Variants in BCAR3 observed in about 807,000 individuals in gnomAD.
BCAR3 encodes breast cancer anti-estrogen resistance protein 3.
Under a neutral mutation model 80.1 loss-of-function variants are expected in BCAR3, and 37 were observed. That is an observed-to-expected ratio of 0.46 (90% CI 0.36 to 0.61). The LOEUF is 0.61. Among genes scored for constraint, BCAR3 ranks in the 20% least tolerant of loss-of-function variants. The probability of loss-of-function intolerance (pLI) is 0.00; values close to 1 mark genes in which losing one functional copy is unlikely to be tolerated. For synonymous variants in BCAR3, 389 were observed against 418.9 expected (o/e 0.93, Z 0.87); for missense variants, 978 against 1,068.2 (o/e 0.92, Z 1.18).
chr1:93,680,522 A>C (rs1648704630), intron 1 of BCAR3, among the ~76,000 whole-genome samples: 1 of 152,122 alleles, frequency 6.6e-6, no homozygotes, highest in African/African-American at 2.4e-5. Flanking sequence ...CCAGGATCTC[A>C]ACTCAGTCCC....
intron 2 of BCAR3, among the ~76,000 whole-genome samples, chr1:93,715,734 C>T (rs1008449583): frequency 6.6e-6 from 1 of 152,190 alleles, no homozygotes; most frequent in South Asian, 2.1e-4. Context: ...TCTTCCCTCA[C>T]GTTATAGACA....
chr1:93,636,580 T>C (rs1462126623), intron 3 of BCAR3, among the ~76,000 whole-genome samples: 1 of 152,008 alleles, frequency 6.6e-6, no homozygotes, highest in Non-Finnish European at 1.5e-5. Context: ...AAACAGGCAT[T>C]CCAATATTTT....
intron 5 of BCAR3, chr1:93,585,064 C>G (rs758880795): frequency 1.0e-6 from 1 of 985,416 alleles, no homozygotes; most frequent in East Asian, 1.1e-4. Context: ...AAGACAAGAC[C>G]GAGGGCAAAT....
Position 93,847,021 on chromosome 1 carries a change from C to CT in BCAR3, c.-209+48_-209+49insA. ...CCAGCCGCGGCTGGGTCGGGCGCGG[C>CT]GGCCGGGCGCGAGGGAAGAGCCCAG... On this transcript the variant is annotated intron_variant, in intron 1 of 13. Transcript: ENST00000370244. 3 of 136,378 alleles carry CT rather than the reference C, an allele frequency of 2.2e-5. 1 individual carries two copies. The highest frequency in any genetic ancestry group is 2.7e-5 in the Non-Finnish European group (2 of 73,502). The allele number at this position is 136,378 out of a possible 1,614,324, so 8.4% of individuals were successfully genotyped here.
chr1:93,845,483 T>C (rs1325023055), intron 2 of BCAR3: 1 of 7,034 alleles, frequency 1.4e-4, no homozygotes, highest in Non-Finnish European at 3.6e-4. Context: ...TATATATATA[T>C]ATATATATAT....
intron 11 of BCAR3, among the ~76,000 whole-genome samples, chr1:93,566,116 G>A (rs1672940121): frequency 6.6e-6 from 1 of 152,076 alleles, no homozygotes; most frequent in Non-Finnish European, 1.5e-5. Context: ...TATGTGGAAG[G>A]GCTTCCCAGC....
rs755388139 is a variant in BCAR3, at chr1:93,674,753, G to C, written c.178C>G (p.Pro60Ala). 1.2e-5 allele frequency: 19 copies of C among 1,613,272 alleles called. No individual in the cohort carries two copies. The highest frequency in any genetic ancestry group is 1.4e-5 in the Non-Finnish European group (17 of 1,179,868). ...TLPRKKKGPPPIRSCDDFSHM... is the reference protein window; with the variant it reads ...TLPRKKKGPPAIRSCDDFSHM... ...CTGAAGTCATCACAGGACCTTATGG[G>C]AGGAGGACCTTTTTTCTTCCGTGGA... Residue 60 changes from proline (P) to alanine (A), a missense_variant, in exon 2 of 12, where the codon CCC (proline) becomes GCC (alanine). Transcript: ENST00000260502.
At chr1:93,784,957 T>A (rs1294524707) in intron 2 of BCAR3, among the ~76,000 whole-genome samples, 1 of 152,140 alleles carries the variant, frequency 6.6e-6, no homozygotes, top group African/African-American at 2.4e-5. Context: ...GGTCAGGCAG[T>A]GAAAAGAGCA....
rs372433442 is a variant in BCAR3 at position 93,745,817 on chromosome 1, A to G, written c.-62-39675T>C. 1.8e-4 allele frequency among the ~76,000 whole-genome samples: 27 copies of G among 152,316 alleles called. No individual in the cohort carries two copies. In the East Asian group the frequency reaches 1.9e-3, roughly 11 times the overall value. ...CACTTTGAGAGGCCAAGGTGGGAGG[A>G]TCACTTGAGACCAGGAGTTCAACAC... On this transcript the variant is annotated intron_variant, in intron 2 of 13. Transcript: ENST00000370244.
rs1648389879 is a variant in BCAR3, at chr1:93,674,730, G to A, written c.201C>T (p.Phe67=). 6.2e-7 allele frequency: 1 copy of A among 1,614,008 alleles called. No individual in the cohort carries two copies. Among genetic ancestry groups the A allele is most frequent in the African/African-American group, 1.3e-5 (1 of 75,012 alleles). ...GPPPIRSCDD[F]SHMGTLPHSK... ...AGTGGGGGAGGGTGCCCATGTGACT[G>A]AAGTCATCACAGGACCTTATGGGAG... The change falls in exon 2 of 12, where the codon TTC becomes TTT. Residue 67 remains phenylalanine, a synonymous_variant. Coordinates refer to ENST00000260502, the MANE Select transcript of BCAR3 (RefSeq NM_003567.4).
intron 3 of BCAR3, chr1:93,599,596 A>T (rs867022261): frequency 2.4e-4 from 37 of 152,244 alleles, no homozygotes; most frequent in African/African-American, 7.7e-4. Context: ...CAGTGAGAGC[A>T]ATGGGCTGGA....
At chr1:93,820,140 C>G (rs770339665) in intron 2 of BCAR3, among the ~76,000 whole-genome samples, 15 of 152,214 alleles carry the variant, frequency 9.9e-5, no homozygotes, top group Admixed American at 2.0e-4. Flanking sequence ...CAGAGTCCAT[C>G]AGGACCTCAA....
intron 2 of BCAR3, among the ~76,000 whole-genome samples, chr1:93,824,337 C>T (rs1348698890): frequency 7.5e-6 from 1 of 134,130 alleles, no homozygotes; most frequent in African/African-American, 2.5e-5. Flanking sequence ...ACCCTTAGTG[C>T]TGTTACCCTC....
At chr1:93,652,980 T>C (rs1180682593) in intron 2 of BCAR3, among the ~76,000 whole-genome samples, 1 of 152,248 alleles carries the variant, frequency 6.6e-6, no homozygotes, top group Non-Finnish European at 1.5e-5. Flanking sequence ...TGTTTCTCAT[T>C]AGTAACCAGA....
chr1:93,724,216 C>T (rs1406215145), intron 2 of BCAR3, among the ~76,000 whole-genome samples: 3 of 152,172 alleles, frequency 2.0e-5, no homozygotes, highest in Non-Finnish European at 2.9e-5. Context: ...AGTTAGGATG[C>T]CAGCGCTGGT....
intron 2 of BCAR3, among the ~76,000 whole-genome samples, chr1:93,752,611 A>T (rs1651597982): frequency 6.6e-6 from 1 of 152,234 alleles, no homozygotes; most frequent in Admixed American, 6.5e-5. Flanking sequence ...TGCATACGGT[A>T]TCATTGCTCT....
chr1:93,845,502 A>ATATATATAT, intron 2 of BCAR3: 32 of 113,698 alleles, frequency 2.8e-4, no homozygotes, highest in East Asian at 4.9e-4. Context: ...ATATATATAT[A>ATATATATAT]AAACTTTGTT....
Position 93,718,993 on chromosome 1 carries a change from C to T in BCAR3, c.-62-12851G>A, listed in dbSNP as rs142563574. Among the ~76,000 whole-genome samples, 11 of 151,990 alleles carry T rather than the reference C, an allele frequency of 7.2e-5. No individual in the cohort carries two copies. In the East Asian group the frequency reaches 1.4e-3, roughly 19 times the overall value. On this transcript the variant is annotated intron_variant, in intron 2 of 13. Coordinates refer to the BCAR3 transcript ENST00000370244. The stretch of plus-strand genomic sequence containing the variant: ...TTAGGATTACAAGTGTGAGCCATGA[C>T]GCCCAGCTGAAGTATATTCAAAAAG...
chr1:93,718,985 A>C (rs1222180864), intron 2 of BCAR3, among the ~76,000 whole-genome samples: 3 of 151,986 alleles, frequency 2.0e-5, no homozygotes, highest in African/African-American at 7.3e-5. Flanking sequence ...TACAAGTGTG[A>C]GCCATGACGC....
Sources: gnomAD v4.1 joint callset for allele counts (sites outside exome capture counted in the v4.1 genomes callset) on GRCh38, gnomAD v4.1.1 for gene constraint, MANE v1.5 for transcripts, NCBI Gene and HGNC (gene_info 2026-07-23, HGNC 2026-07-21) for gene names.